GRSF1: variants seen among roughly 807,000 people sequenced by gnomAD.
GRSF1 encodes the protein G-rich RNA sequence binding factor 1.
In GRSF1, 50 loss-of-function variants were observed where a neutral mutation model predicts 51.1. That is an observed-to-expected ratio of 0.98 (90% confidence interval 0.78 to 1.24). The LOEUF (loss-of-function observed/expected upper bound fraction) is 1.24. Among genes scored for constraint, GRSF1 ranks in the 50% most tolerant of loss-of-function variants. The pLI is 0.00. For synonymous variants in GRSF1, 293 were observed against 253.3 expected (o/e 1.16, Z -1.49); for missense variants, 700 against 639.7 (o/e 1.09, Z -1.02).
intron 6 of GRSF1, among the ~76,000 whole-genome samples, chr4:70,827,146 G>A (rs1457273579): frequency 1.3e-5 from 2 of 151,844 alleles, no homozygotes; most frequent in Admixed American, 6.6e-5. Flanking sequence ...AAATTAGCCG[G>A]GCACGGTGGC....
intron 1 of GRSF1, among the ~76,000 whole-genome samples, chr4:70,836,877 G>A (rs571120712): frequency 3.3e-5 from 5 of 152,308 alleles, no homozygotes; most frequent in South Asian, 2.1e-4. Flanking sequence ...GAAGCAGTAC[G>A]ACCAAATGCC....
chr4:70,831,355 C>CA (rs113560902), intron 5 of GRSF1, among the ~76,000 whole-genome samples, 184 bp downstream of exon 5: 1,197 of 115,036 alleles, frequency 0.01, 9 homozygotes, highest in African/African-American at 0.024. Context: ...AACTCTGTCT[C>CA]AAAAAAAAAA....
chr4:70,839,343 T>C (rs1375543750), intron 1 of GRSF1, 128 bp downstream of exon 1: 2 of 1,502,960 alleles, frequency 1.3e-6, no homozygotes, highest in Non-Finnish European at 1.8e-6. Flanking sequence ...CGGGGGCGGG[T>C]GTGCGGCGAG....
chr4:70,830,757 AGG>A (rs1733929834), intron 5 of GRSF1, among the ~76,000 whole-genome samples: 1 of 151,678 alleles, frequency 6.6e-6, no homozygotes, highest in African/African-American at 2.4e-5. Context: ...AGGCAGAGAG[AGG>A]ATGCAGTGAG....
At chr4:70,829,934 A>T (rs891009286) in intron 5 of GRSF1, among the ~76,000 whole-genome samples, 1 of 152,224 alleles carries the variant, frequency 6.6e-6, no homozygotes, top group African/African-American at 2.4e-5. Flanking sequence ...AAAATTAACG[A>T]AACAGTGATT....
Position 70,825,413 on chromosome 4 carries a change from G to GTGATT in GRSF1, c.1275_1276insAATCA (p.Pro426AsnfsTer50). 1 of 1,609,606 alleles carries GTGATT rather than the reference G, an allele frequency of 6.2e-7. No individual in the cohort carries two copies. Among genetic ancestry groups the GTGATT allele is most frequent in the Non-Finnish European group, 8.5e-7 (1 of 1,177,282 alleles). ...CTGTATTCCATGGTGATTCTAACAG[G>GTGATT]CTTGAGTGGAGCAAAAAACTAAACG... On this transcript the variant is annotated frameshift_variant, in exon 8 of 10. Transcript: ENST00000254799. LOFTEE classifies it high-confidence loss of function.
At chr4:70,821,220 A>T (rs1183535222) in intron 9 of GRSF1, among the ~76,000 whole-genome samples, 1 of 152,180 alleles carries the variant, frequency 6.6e-6, no homozygotes, top group Non-Finnish European at 1.5e-5. Flanking sequence ...TGAGGTCAGG[A>T]GTTCGAGACC....
chr4:70,831,046 G>T (rs1733946205), intron 5 of GRSF1, among the ~76,000 whole-genome samples: 1 of 152,068 alleles, frequency 6.6e-6, no homozygotes, highest in African/African-American at 2.4e-5. Context: ...TCTGTCTATG[G>T]GTTAGTCCCT....
Position 70,827,949 on chromosome 4 carries a change from A to G in GRSF1, c.1038T>C (p.Thr346=), listed in dbSNP as rs773414578. ...YKGKKIASFP[T]AKYITEPEMV... is the part of the protein sequence containing the mutation. ...TTTCTGGCTCAGTTATATACTTAGC[A>G]GTAGGAAAAGATGCGATTTTCTTTC... is the stretch of plus-strand genomic sequence containing the variant. The change falls in exon 6 of 10, where the codon ACT becomes ACC. Residue 346 remains threonine (T), a synonymous_variant. Coordinates refer to ENST00000254799, the MANE Select transcript of GRSF1 (RefSeq NM_002092.4). 1 of 1,610,982 alleles carries G rather than the reference A, an allele frequency of 6.2e-7. No individual in the cohort carries two copies. The highest frequency in any genetic ancestry group is 1.1e-5 in the South Asian group (1 of 90,966).
At chr4:70,825,657 C>T (rs992650723) in intron 7 of GRSF1, 4 of 356,190 alleles carry the variant, frequency 1.1e-5, no homozygotes, top group African/African-American at 2.1e-5. Flanking sequence ...TCTCAGCGAG[C>T]ATGGTGGCTC....
intron 2 of GRSF1, among the ~76,000 whole-genome samples, chr4:70,835,832 T>C (rs966296421): frequency 3.3e-5 from 5 of 152,174 alleles, no homozygotes; most frequent in African/African-American, 1.2e-4. Context: ...TGTTGCCCAG[T>C]GTGGTATGGA....
In GRSF1 at chr4:70,827,505, C is replaced by T. The variant is rs4694079; in HGVS notation, c.1135+347G>A. 7.5e-3 allele frequency among the ~76,000 whole-genome samples: 1,144 copies of T among 152,182 alleles called. 49 individuals carry two copies. In the East Asian group the frequency reaches 0.1, roughly 14 times the overall value. On this transcript the variant is annotated intron_variant, in intron 6 of 9. Coordinates refer to ENST00000254799, the MANE Select transcript of GRSF1 (RefSeq NM_002092.4). ...TGTAAAGTCCTATTAAATCTTTAGG[C>T]CGGGTGTGTTGGCTCACACCTGTAA...
intron 3 of GRSF1, 122 bp downstream of exon 3, chr4:70,832,996 C>T (rs1298593399): frequency 1.2e-6 from 1 of 852,706 alleles, no homozygotes; most frequent in Middle Eastern, 2.3e-4. Context: ...TTTTCACATC[C>T]TATAAAAGAA....
rs1030715249 is a variant in GRSF1 at position 70,818,983 on chromosome 4, G to A, written c.*1904C>T. The A allele has an allele frequency of 6.6e-6, 1 of 151,840 alleles. No homozygotes were observed. The highest frequency in any genetic ancestry group is 1.5e-5 in the Non-Finnish European group (1 of 67,988). The allele number at this position is 151,840 out of a possible 1,614,324, so 9.4% of individuals were successfully genotyped here. The stretch of plus-strand genomic sequence containing the variant: ...TACATCCACCTTAGCAATCACTTAC[G>A]TACTAGCCTAGATCATGAACAAAAA... On this transcript the variant is annotated 3_prime_UTR_variant, in exon 10 of 10. Coordinates refer to ENST00000254799, the MANE Select transcript of GRSF1 (RefSeq NM_002092.4).
intron 1 of GRSF1, among the ~76,000 whole-genome samples, chr4:70,836,937 A>G (rs1288186088): frequency 6.6e-6 from 1 of 152,248 alleles, no homozygotes; most frequent in Non-Finnish European, 1.5e-5. Context: ...GGAGCCAAAG[A>G]AGGTGACCTG....
At position 70,833,148 on chromosome 4, in the gene GRSF1, G is replaced by A. The variant is rs779796576; in HGVS notation, c.640C>T (p.Arg214Cys). The change falls in exon 3 of 10, where the codon CGC becomes TGC. Residue 214 changes from arginine (R) to cysteine (C), a missense_variant. Physicochemically the swap from Arg to Cys is radical, Grantham distance 180 (BLOSUM62 -3). Coordinates refer to ENST00000254799, the MANE Select transcript of GRSF1 (RefSeq NM_002092.4). ...QDVQKALEKH[R>C]MYMGQRYVEV... ...ACATACCGCTGGCCCATGTACATGC[G>A]GTGCTTCTCTAAGGCTTTCTGCACA... The A allele has an allele frequency of 1.5e-5, 25 of 1,613,824 alleles. No homozygotes were observed. The South Asian group carries it at 1.8e-4, about 11-fold the overall frequency.
upstream of GRSF1, among the ~76,000 whole-genome samples, chr4:70,840,744 CAG>C (rs1476022756): frequency 2.6e-5 from 4 of 152,148 alleles, no homozygotes; most frequent in Non-Finnish European, 5.9e-5. Flanking sequence ...GCCTGGGCGA[CAG>C]AGTGAGACGC....
intron 9 of GRSF1, among the ~76,000 whole-genome samples, chr4:70,823,592 A>C (rs543671100): frequency 6.6e-6 from 1 of 151,496 alleles, no homozygotes; most frequent in South Asian, 2.1e-4. Context: ...GAATGGTGCC[A>C]GGCGGGGTGG....
At chr4:70,834,117 G>A (rs759310310) in intron 2 of GRSF1, among the ~76,000 whole-genome samples, 18 of 152,032 alleles carry the variant, frequency 1.2e-4, no homozygotes, top group Non-Finnish European at 2.2e-4. Context: ...AAATTAGCCG[G>A]GCATGGTGAT....
Sources: gnomAD v4.1 joint callset for allele counts (sites outside exome capture counted in the v4.1 genomes callset) on GRCh38, gnomAD v4.1.1 for gene constraint, MANE v1.5 for transcripts, NCBI Gene and HGNC (gene_info 2026-07-23, HGNC 2026-07-21) for gene names.